The following SLC6A16 variants were observed in gnomAD, a reference collection of about 807,000 sequenced individuals.
The protein encoded by SLC6A16 is orphan sodium- and chloride-dependent neurotransmitter transporter NTT5.
Under a neutral mutation model 65.4 loss-of-function variants are expected in SLC6A16, and 54 were observed. That is an observed-to-expected ratio of 0.83 (90% confidence interval 0.66 to 1.04). The LOEUF is 1.04. Ranked by LOEUF, SLC6A16 falls within the 50% of genes least tolerant of loss-of-function variation. SLC6A16 has a pLI of 0.00. For missense variants in SLC6A16, 816 were observed against 914.0 expected, an observed-to-expected ratio of 0.89 and a Z score of 1.38; for synonymous variants, 330 against 346.5, an observed-to-expected ratio of 0.95 and a Z score of 0.53.
At chr19:49,339,893 G>T in the SLC6A16 span, 1 of 1,345,012 alleles carries the variant, frequency 7.4e-7, no homozygotes. This position sits in a 1 kb window ranked among gnomAD's most constrained non-coding sequence, Gnocchi z 4.5. Flanking sequence ...TGGCCGCTGT[G>T]GGTTCAAGAC....
rs140269762 is a variant in SLC6A16, at chr19:49,297,084, C to G, written c.1230-2531G>C. Among the ~76,000 whole-genome samples the G allele has an allele frequency of 4.3e-3, 654 of 152,186 alleles. 5 individuals are homozygous for G. Among genetic ancestry groups the G allele is most frequent in the African/African-American group, 0.015 (621 of 41,524 alleles). On this transcript the variant is annotated intron_variant, in intron 7 of 11. Coordinates refer to ENST00000335875, the MANE Select transcript of SLC6A16 (RefSeq NM_014037.3). ...GAAAGAAAATTGATAAATTGGGCAT[C>G]ATCAAAATTATGTCTTTTCATCAAA...
intron 7 of SLC6A16, 181 bp downstream of exon 7, chr19:49,308,695 G>GATA: frequency 8.5e-6 from 6 of 704,124 alleles, no homozygotes; most frequent in Non-Finnish European, 1.2e-5. Flanking sequence ...CTCTGAGAAG[G>GATA]ATAATATATG....
At chr19:49,324,498 T>C (rs954567461) in intron 1 of SLC6A16, among the ~76,000 whole-genome samples, 9 of 152,128 alleles carry the variant, frequency 5.9e-5, no homozygotes, top group Admixed American at 5.9e-4. Flanking sequence ...CCTCTTCCCA[T>C]ATGGGTGCAA....
chr19:49,290,818 T>C, intron 10 of SLC6A16, 51 bp from the exon 11 acceptor site: 2 of 1,503,782 alleles, frequency 1.3e-6, no homozygotes, highest in Non-Finnish European at 1.8e-6. Context: ...CTCACCACCT[T>C]GGAGGCAGGG....
At chr19:49,335,876 T>C in the SLC6A16 span, 1 of 1,058,018 alleles carries the variant, frequency 9.5e-7, no homozygotes, top group South Asian at 1.3e-5. The surrounding 1 kb of genome is among the most constrained non-coding windows in gnomAD (Gnocchi z 4.6). Flanking sequence ...TACGGTGCCC[T>C]ACTCTGCAGG....
intron 7 of SLC6A16, among the ~76,000 whole-genome samples, chr19:49,304,517 G>C (rs1454155151): frequency 6.6e-6 from 1 of 152,114 alleles, no homozygotes; most frequent in Non-Finnish European, 1.5e-5. Context: ...TGTAATCTCA[G>C]CACTTCGGGA....
chr19:49,316,537 A>G (rs1463811062), intron 1 of SLC6A16, among the ~76,000 whole-genome samples: 1 of 152,222 alleles, frequency 6.6e-6, no homozygotes, highest in Non-Finnish European at 1.5e-5. Flanking sequence ...AGCTAAAACT[A>G]GAAGATGTCT....
At chr19:49,325,248 ACT>A (rs1368734069), upstream of SLC6A16, 7 of 984,732 alleles carry the variant, frequency 7.1e-6, no homozygotes, top group African/African-American at 1.8e-5. Flanking sequence ...GCGCCCCCTC[ACT>A]CTTTCCCTAC....
Position 49,308,905 on chromosome 19 carries a change from C to T in SLC6A16, c.1200G>A (p.Ala400=), listed in dbSNP as rs573486901. 166 of 1,614,076 alleles carry T rather than the reference C, an allele frequency of 1.0e-4. No homozygotes were observed. The highest frequency in any genetic ancestry group is 3.5e-4 in the African/African-American group (26 of 74,982). The change falls in exon 7 of 12, where the codon GCG becomes GCA. Residue 400 remains alanine, a synonymous_variant. Coordinates refer to ENST00000335875, the MANE Select transcript of SLC6A16 (RefSeq NM_014037.3). The part of the protein sequence containing the change: ...SFNFCVLGFW[A]TVITHRCCER... ...CACAGCAGCGATGTGTGATGACTGT[C>T]GCCCAGAAGCCCAGGACACAGAAGT... is the stretch of plus-strand genomic sequence containing the variant.
Position 49,307,346 on chromosome 19 carries a change from C to G in SLC6A16, c.1229+1530G>C, listed in dbSNP as rs141088685. ...AAGTAGAACAAATGGAAGTCTCACA[C>G]ATCCCTGATGGGAGGGCAATGCATT... On this transcript the variant is annotated intron_variant, in intron 7 of 11. Coordinates refer to ENST00000335875, the MANE Select transcript of SLC6A16 (RefSeq NM_014037.3). Among the ~76,000 whole-genome samples the G allele has an allele frequency of 2.4e-3, 359 of 152,016 alleles. 1 individual carries two copies. Among genetic ancestry groups the G allele is most frequent in the African/African-American group, 8.2e-3 (341 of 41,462 alleles).
chr19:49,315,584 T>C (rs1199548572), intron 1 of SLC6A16, among the ~76,000 whole-genome samples: 1 of 152,118 alleles, frequency 6.6e-6, no homozygotes, highest in Non-Finnish European at 1.5e-5. Flanking sequence ...TTATGTAAGC[T>C]TCGTGGTAAC....
chr19:49,299,351 C>T (rs981795419), intron 7 of SLC6A16, among the ~76,000 whole-genome samples: 2 of 150,682 alleles, frequency 1.3e-5, no homozygotes, highest in East Asian at 3.9e-4. Flanking sequence ...GTCAGGAATT[C>T]GAGACCAGCC....
chr19:49,324,100 CG>C (rs1339594968), intron 1 of SLC6A16, among the ~76,000 whole-genome samples: 1 of 151,936 alleles, frequency 6.6e-6, no homozygotes, highest in African/African-American at 2.4e-5. Context: ...GAAGCTGAGG[CG>C]GGTGGATCGG....
intron 7 of SLC6A16, among the ~76,000 whole-genome samples, chr19:49,297,319 C>G (rs1203983731): frequency 2.0e-5 from 3 of 152,090 alleles, no homozygotes; most frequent in African/African-American, 7.2e-5. Context: ...AAGCACTTTC[C>G]AAGGTAGCCA....
intron 1 of SLC6A16, chr19:49,312,386 C>G (rs1444748641): frequency 5.0e-6 from 1 of 201,738 alleles, no homozygotes. Context: ...ATAGCAGCTA[C>G]CTACCCACAA....
In SLC6A16 at chr19:49,313,072, C is replaced by CAAAAAAAAAAAAAAAAAA. The variant is rs5828385; in HGVS notation, c.-64-1679_-64-1662dup. 3.8e-4 allele frequency among the ~76,000 whole-genome samples: 36 copies of CAAAAAAAAAAAAAAAAAA among 95,778 alleles called. 3 individuals are homozygous for CAAAAAAAAAAAAAAAAAA. Among genetic ancestry groups the CAAAAAAAAAAAAAAAAAA allele is most frequent in the African/African-American group, 1.8e-3 (35 of 18,978 alleles). The allele number at this position is 95,778 out of a possible 152,430, so 62.8% of individuals were successfully genotyped here. A position where few individuals can be genotyped will look rare whatever the true frequency, so the allele number is the denominator to read the frequency against. The stretch of plus-strand genomic sequence containing the variant: ...CACTCCAGCCTGGGCAACCCTGTCT[C>CAAAAAAAAAAAAAAAAAA]AAAAAAAAAAAAAAAAAAAAAAAGA... On this transcript the variant is annotated intron_variant, in intron 1 of 11. Coordinates refer to ENST00000335875, the MANE Select transcript of SLC6A16 (RefSeq NM_014037.3).
Position 49,311,096 on chromosome 19 carries a change from G to A in SLC6A16, c.252C>T (p.Pro84=). 1 of 1,614,182 alleles carries A rather than the reference G, an allele frequency of 6.2e-7. No homozygotes were observed. Among genetic ancestry groups the A allele is most frequent in the Non-Finnish European group, 8.5e-7 (1 of 1,180,036 alleles). ...ALTASALNQK[P]THEKVQMTEK... ...CTGTCATCTGCACCTTCTCATGCGTGGGTTTCTGGTTCAGGGCTGAGGCAG... is the reference window on the plus strand; with the variant it reads ...CTGTCATCTGCACCTTCTCATGCGTAGGTTTCTGGTTCAGGGCTGAGGCAG... The change falls in exon 2 of 12, where the codon CCC becomes CCT. Residue 84 remains proline (P), a synonymous_variant. Coordinates refer to ENST00000335875, the MANE Select transcript of SLC6A16 (RefSeq NM_014037.3).
chr19:49,329,150 T>C (rs1209967640), upstream of SLC6A16, among the ~76,000 whole-genome samples: 1 of 152,082 alleles, frequency 6.6e-6, no homozygotes, highest in African/African-American at 2.4e-5. Context: ...TGCAGTGCAG[T>C]GGTGCGATCT....
intron 7 of SLC6A16, among the ~76,000 whole-genome samples, chr19:49,301,185 C>CCCACATCA (rs2146097131): frequency 6.6e-6 from 1 of 152,272 alleles, no homozygotes; most frequent in Admixed American, 6.5e-5. Flanking sequence ...TTCCATTTTG[C>CCCACATCA]CCACATCACC....
Sources: gnomAD v4.1 joint callset for allele counts (sites outside exome capture counted in the v4.1 genomes callset) on GRCh38, gnomAD v4.1.1 for gene constraint, Gnocchi (gnomAD v3.1) non-coding constraint, MANE v1.5 for transcripts, NCBI Gene and HGNC (gene_info 2026-07-23, HGNC 2026-07-21) for gene names.